DTWD1: variants seen among roughly 807,000 people sequenced by gnomAD.
The protein encoded by DTWD1 is DTW motif tRNA-uridine aminocarboxypropyltransferase 1.
DTWD1 carries 27 observed loss-of-function variants against 30.2 expected under a neutral mutation model. That is an observed-to-expected ratio of 0.90 (90% CI 0.66 to 1.23). DTWD1 has a LOEUF of 1.23. Among genes scored for constraint, DTWD1 ranks in the 50% most tolerant of loss-of-function variants. The pLI, the probability that DTWD1 is intolerant of heterozygous loss-of-function variation, is 0.00. For synonymous variants in DTWD1, 99 were observed against 113.1 expected, an observed-to-expected ratio of 0.88 and a Z score of 0.79; for missense variants, 342 against 348.8, an observed-to-expected ratio of 0.98 and a Z score of 0.15.
chr15:49,630,951 C>T (rs1375894463), intron 2 of DTWD1: 1 of 445,628 alleles, frequency 2.2e-6, no homozygotes, highest in Non-Finnish European at 4.5e-6. Flanking sequence ...TTGCATGCTC[C>T]TTAGGAGAAT....
At chr15:49,625,476 T>A in intron 2 of DTWD1, 45 bp downstream of exon 2, 2 of 1,531,598 alleles carry the variant, frequency 1.3e-6, no homozygotes, top group Non-Finnish European at 1.8e-6. Context: ...AATAGATTTT[T>A]TAAAAACATC....
In DTWD1 at chr15:49,622,238, G is replaced by C. The variant is rs148750918; in HGVS notation, c.-56+1116G>C. Among the ~76,000 whole-genome samples the C allele has an allele frequency of 3.1e-3, 468 of 152,308 alleles. 3 individuals carry two copies. Among genetic ancestry groups the C allele is most frequent in the Non-Finnish European group, 5.9e-3 (398 of 68,020 alleles). ...ATCTGCTCTTACAGAGTTGAATGCT[G>C]GAGGGGATAGATTCACTAAAGTACC... On this transcript the variant is annotated intron_variant, in intron 1 of 4. Coordinates refer to ENST00000403028, the MANE Select transcript of DTWD1 (RefSeq NM_001144955.2).
chr15:49,630,759 A>T (rs2078908783), intron 2 of DTWD1: 1 of 165,046 alleles, frequency 6.1e-6, no homozygotes, highest in Admixed American at 6.3e-5. Flanking sequence ...GGTCCTAAGG[A>T]ACCAGGCCGC....
At chr15:49,632,403 C>T (rs1198580924) in intron 3 of DTWD1, 101 bp downstream of exon 3, 1 of 1,167,556 alleles carries the variant, frequency 8.6e-7, no homozygotes, top group Non-Finnish European at 1.2e-6. Flanking sequence ...TAATATTTTT[C>T]TTAGTAAAGT....
chr15:49,632,003 A>T (rs1246810646), intron 2 of DTWD1, 156 bp from the exon 3 acceptor site: 1 of 794,670 alleles, frequency 1.3e-6, no homozygotes. Flanking sequence ...GTTTTGTAAC[A>T]ATCACCATTC....
rs954807743 is a variant in DTWD1 at position 49,644,987 on chromosome 15, A to G, written c.*1409A>G. The G allele has an allele frequency of 4.6e-5, 7 of 152,194 alleles. No individual in the cohort carries two copies. The highest frequency in any genetic ancestry group is 6.6e-5 in the Admixed American group (1 of 15,260). 9.4% of individuals were successfully genotyped at this position (152,194 alleles called of 1,614,324 possible). On this transcript the variant is annotated 3_prime_UTR_variant, in exon 5 of 5. Coordinates refer to ENST00000403028, the MANE Select transcript of DTWD1 (RefSeq NM_001144955.2). Reference sequence around the variant, plus strand: ...GAAATAATAGCACATTTCCTGAAGTATATACAGTGGGACACATGATGTTTT... The same window carrying G: ...GAAATAATAGCACATTTCCTGAAGTGTATACAGTGGGACACATGATGTTTT...
chr15:49,633,043 C>CTATATATATCTATATCTA (rs368196512), intron 3 of DTWD1, among the ~76,000 whole-genome samples: 1 of 129,492 alleles, frequency 7.7e-6, no homozygotes, highest in Non-Finnish European at 1.6e-5. Context: ...CTATTTATAT[C>CTATATATATCTATATCTA]TATATCTATA....
At chr15:49,634,411 A>C in intron 3 of DTWD1, 125 bp from the exon 4 acceptor site, 1 of 1,102,268 alleles carries the variant, frequency 9.1e-7, no homozygotes, top group Middle Eastern at 2.2e-4. Flanking sequence ...CATATACAAT[A>C]GAACCAACCT....
Position 49,652,780 on chromosome 15 carries a change from G to T in DTWD1, c.*9202G>T. ...TGGAGCAAAGGGTGGATTGTAATAA[G>T]CAAAGAGATACACTGCCTGATTCAC... On this transcript the variant is annotated 3_prime_UTR_variant, in exon 5 of 5. Transcript: ENST00000403028. The T allele has an allele frequency of 6.6e-6, 1 of 152,126 alleles. No homozygotes were observed. The highest frequency in any genetic ancestry group is 1.5e-5 in the Non-Finnish European group (1 of 68,028). The allele number at this position is 152,126 out of a possible 1,614,324, so 9.4% of individuals were successfully genotyped here.
At chr15:49,633,049 C>CTATATATATATATATATATATATATATA (rs1555588610) in intron 3 of DTWD1, among the ~76,000 whole-genome samples, 4 of 117,332 alleles carry the variant, frequency 3.4e-5, no homozygotes, top group African/African-American at 1.0e-4. Context: ...ATATCTATAT[C>CTATATATATATATATATATATATATATA]TATATATATA....
chr15:49,634,454 T>C, intron 3 of DTWD1, 82 bp from the exon 4 acceptor site: 2 of 1,414,224 alleles, frequency 1.4e-6, no homozygotes, highest in Non-Finnish European at 1.9e-6. Flanking sequence ...AACATATCTT[T>C]CTTAAAATTT....
At chr15:49,643,070 A>G (rs1210115246) in intron 4 of DTWD1, among the ~76,000 whole-genome samples, 1 of 152,156 alleles carries the variant, frequency 6.6e-6, no homozygotes, top group Non-Finnish European at 1.5e-5. Context: ...AACTACTTTT[A>G]ATTCATTGGT....
In DTWD1 at chr15:49,634,805, A is replaced by G; in HGVS notation, c.667+11A>G. The G allele has an allele frequency of 6.4e-7, 1 of 1,551,186 alleles. No homozygotes were observed. The highest frequency in any genetic ancestry group is 2.3e-5 in the East Asian group (1 of 43,834). ...ATGAGCGACTTCAAGGTAAAAAAAA[A>G]ATGTTTTTTTGGACTGCTCCTCCCT... is the stretch of plus-strand genomic sequence containing the variant. On this transcript the variant is annotated intron_variant, in intron 4 of 4. Transcript: ENST00000403028.
chr15:49,621,224 C>T (rs1357870309), intron 1 of DTWD1, 102 bp downstream of exon 1: 1 of 152,232 alleles, frequency 6.6e-6, no homozygotes, highest in Non-Finnish European at 1.5e-5. Flanking sequence ...CATTCTTTGT[C>T]AGGACCCTAG....
chr15:49,643,291 T>G, intron 4 of DTWD1, 40 bp from the exon 5 acceptor site: 1 of 1,431,662 alleles, frequency 7.0e-7, no homozygotes, highest in Non-Finnish European at 9.1e-7. Context: ...ATTTATATTT[T>G]TTCTTTCTTT....
At chr15:49,624,713 A>C (rs2078816511) in intron 1 of DTWD1, among the ~76,000 whole-genome samples, 1 of 152,200 alleles carries the variant, frequency 6.6e-6, no homozygotes, top group African/African-American at 2.4e-5. Context: ...TATATCTTTT[A>C]GAACATAACC....
chr15:49,641,646 T>C (rs571747139), intron 4 of DTWD1, among the ~76,000 whole-genome samples: 26 of 152,138 alleles, frequency 1.7e-4, no homozygotes, highest in Non-Finnish European at 3.4e-4. Context: ...TTTTCATTTG[T>C]CTATTAAATG....
chr15:49,623,771 C>T (rs562153006), intron 1 of DTWD1: 1 of 152,248 alleles, frequency 6.6e-6, no homozygotes, highest in Non-Finnish European at 1.5e-5. Flanking sequence ...AGGGCATGAT[C>T]ACAAAGATCA....
rs2079116747 is a variant in DTWD1, at chr15:49,646,108, C to G, written c.*2530C>G. The G allele has an allele frequency of 6.6e-6, 1 of 152,214 alleles. No individual in the cohort carries two copies. Among genetic ancestry groups the G allele is most frequent in the African/African-American group, 2.4e-5 (1 of 41,462 alleles). 9.4% of individuals were successfully genotyped at this position (152,214 alleles called of 1,614,324 possible). On this transcript the variant is annotated 3_prime_UTR_variant, in exon 5 of 5. Transcript: ENST00000403028. ...TGCTGGAGCATGAGACTCCATGGAA[C>G]AGAGCCAGGTTGCCCTGGTCACCCT...
Sources: gnomAD v4.1 joint callset for allele counts (sites outside exome capture counted in the v4.1 genomes callset) on GRCh38, gnomAD v4.1.1 for gene constraint, MANE v1.5 for transcripts, NCBI Gene and HGNC (gene_info 2026-07-23, HGNC 2026-07-21) for gene names.